The following CEP95 variants were observed in gnomAD, a reference collection of about 807,000 sequenced individuals.
CEP95 encodes the protein centrosomal protein 95.
In CEP95, 98 loss-of-function variants were observed where a neutral mutation model predicts 111.2. The ratio of observed to expected loss-of-function variants is 0.88; its 90% CI spans 0.75 to 1.04. CEP95 has a LOEUF of 1.04. CEP95 is among the 50% of genes least tolerant of loss of function. The pLI is 0.00. For synonymous variants in CEP95, 323 were observed against 327.1 expected (o/e 0.99, Z 0.14); for missense variants, 1,027 against 977.2 (o/e 1.05, Z -0.68).
chr17:64,508,300 C>T (rs1007360144), intron 1 of CEP95: 3 of 991,394 alleles, frequency 3.0e-6, no homozygotes, highest in Admixed American at 6.1e-5. Flanking sequence ...CCATGTAAGG[C>T]TTATATAAGT....
chr17:64,522,164 CTT>C (rs1967395074), intron 7 of CEP95, among the ~76,000 whole-genome samples: 1 of 152,068 alleles, frequency 6.6e-6, no homozygotes, highest in Non-Finnish European at 1.5e-5. Flanking sequence ...AAAAATCATT[CTT>C]GTTTCTTATT....
chr17:64,532,724 T>C (rs542040429), intron 14 of CEP95, 115 bp from the exon 15 acceptor site: 12 of 1,462,536 alleles, frequency 8.2e-6, no homozygotes, highest in Non-Finnish European at 1.1e-5. Flanking sequence ...ACATTTAGAA[T>C]TGTTCTTTTC....
At chr17:64,537,378 T>C in intron 19 of CEP95, 2 of 1,399,772 alleles carry the variant, frequency 1.4e-6, no homozygotes, top group Non-Finnish European at 9.3e-7. Context: ...AAATGTATTA[T>C]ACCTGTAAAG....
Position 64,510,233 on chromosome 17 carries a change from A to AT in CEP95, c.211dup (p.Ser71PhefsTer24). The stretch of plus-strand genomic sequence containing the variant: ...GCACACAATGTACAAGCAGTAATTG[A>AT]TTCACTGGCCTTGGACTACTTGCAG... On this transcript the variant is annotated frameshift_variant, in exon 3 of 20. Transcript: ENST00000556440. LOFTEE classifies it high-confidence loss of function. 6.2e-7 allele frequency: 1 copy of AT among 1,612,198 alleles called. No homozygotes were observed. The highest frequency in any genetic ancestry group is 8.5e-7 in the Non-Finnish European group (1 of 1,179,010).
intron 5 of CEP95, among the ~76,000 whole-genome samples, chr17:64,518,593 T>A (rs2144406004): frequency 6.6e-6 from 1 of 152,382 alleles, no homozygotes; most frequent in African/African-American, 2.4e-5. Context: ...ATGCTATGTC[T>A]TCATGGTTCG....
chr17:64,520,693 A>G (rs1967257509), intron 6 of CEP95: 1 of 152,208 alleles, frequency 6.6e-6, no homozygotes, highest in East Asian at 1.9e-4. Flanking sequence ...TTGGCCTCCC[A>G]AAGTACTGAG....
At chr17:64,513,581 G>A (rs1555675637) in intron 3 of CEP95, among the ~76,000 whole-genome samples, 2 of 152,178 alleles carry the variant, frequency 1.3e-5, no homozygotes, top group Non-Finnish European at 1.5e-5. Flanking sequence ...AGCTGGAGAC[G>A]CTGAAGATGG....
chr17:64,515,084 T>C (rs2039070095), intron 4 of CEP95, among the ~76,000 whole-genome samples: 1 of 152,208 alleles, frequency 6.6e-6, no homozygotes, highest in Admixed American at 6.5e-5. Flanking sequence ...CCTTTAATCA[T>C]TGTTACTAAA....
At chr17:64,520,617 G>C (rs1555677462) in intron 6 of CEP95, 2 of 152,174 alleles carry the variant, frequency 1.3e-5, no homozygotes, top group East Asian at 3.9e-4. Flanking sequence ...ATTTTTAGTA[G>C]AGATGGGGTT....
chr17:64,507,285 T>C, intron 1 of CEP95, 169 bp downstream of exon 1: 1 of 1,471,632 alleles, frequency 6.8e-7, no homozygotes, highest in Non-Finnish European at 9.0e-7. Context: ...TCACCACCTC[T>C]TCGCTTCGAG....
At chr17:64,532,555 G>A (rs782053164) in intron 14 of CEP95, 20 of 1,184,844 alleles carry the variant, frequency 1.7e-5, no homozygotes, top group South Asian at 5.3e-5. Flanking sequence ...TTGTTTTACC[G>A]TACGTAGAGA....
In CEP95 at chr17:64,527,891, T is replaced by TATAC. The variant is rs1555679494; in HGVS notation, c.1306+628_1306+629insTACA. Among the ~76,000 whole-genome samples, 645 of 141,498 alleles carry TATAC rather than the reference T, an allele frequency of 4.6e-3. 3 individuals are homozygous for TATAC. Among genetic ancestry groups the TATAC allele is most frequent in the East Asian group, 0.014 (66 of 4,746 alleles). 92.8% of individuals were successfully genotyped at this position (141,498 alleles called of 152,430 possible). ...GTGTGTATATATATATATATATATATACACACACACACACACGCGTGTAGC... is the reference window on the plus strand; with the variant it reads ...GTGTGTATATATATATATATATATATATACACACACACACACACACGCGTGTAGC... On this transcript the variant is annotated intron_variant, in intron 11 of 19. Transcript: ENST00000556440.
chr17:64,517,587 A>G (rs531678533), intron 5 of CEP95, among the ~76,000 whole-genome samples: 1 of 151,680 alleles, frequency 6.6e-6, no homozygotes, highest in Non-Finnish European at 1.5e-5. Context: ...TCTGACACTC[A>G]TGGTGGAGTA....
At chr17:64,529,523 A>C in intron 12 of CEP95, 96 bp downstream of exon 12, 4 of 1,235,012 alleles carry the variant, frequency 3.2e-6, no homozygotes, top group Non-Finnish European at 4.6e-6. Flanking sequence ...TTAGGCTTAA[A>C]ATACATTTAA....
At position 64,533,121 on chromosome 17, in the gene CEP95, A is replaced by C. The variant is rs781886614; in HGVS notation, c.1847A>C (p.Glu616Ala). Residue 616 changes from glutamate to alanine, a missense_variant, in exon 16 of 20, where the codon GAA becomes GCA. Physicochemically the swap from Glu to Ala is moderately radical, Grantham distance 107 (BLOSUM62 -1). Transcript: ENST00000556440. Reference sequence around the variant, plus strand: ...AACTTCATGTCCCCCTTCAAGATAGAAGAAGCCCTAAGAAGGCATGACCTC... The same window carrying C: ...AACTTCATGTCCCCCTTCAAGATAGCAGAAGCCCTAAGAAGGCATGACCTC... ...RSKKKLQDEI[E>A]EALRRHDLLT... The C allele has an allele frequency of 2.7e-5, 43 of 1,603,638 alleles. No homozygotes were observed. In the East Asian group the frequency reaches 9.6e-4, roughly 36 times the overall value.
intron 8 of CEP95, among the ~76,000 whole-genome samples, chr17:64,525,504 A>C (rs985032188): frequency 2.6e-5 from 4 of 152,134 alleles, no homozygotes; most frequent in African/African-American, 9.7e-5. Context: ...TAATCCCTGA[A>C]ATTTCATATT....
chr17:64,508,296 A>G lies in CEP95; in HGVS notation c.20-296A>G, dbSNP rs782094985. ...ATGTTTTAACTAAAAACACCCATGTAAGGCTTATATAAGTAACTTAAGATT... is the reference window on the plus strand; with the variant it reads ...ATGTTTTAACTAAAAACACCCATGTGAGGCTTATATAAGTAACTTAAGATT... On this transcript the variant is annotated intron_variant, in intron 1 of 19. Transcript: ENST00000556440. The G allele has an allele frequency of 2.8e-5, 28 of 990,384 alleles. No individual in the cohort carries two copies. The Admixed American group carries it at 3.7e-4, about 13-fold the overall frequency. The allele number at this position is 990,384 out of a possible 1,614,324, so 61.3% of individuals were successfully genotyped here. A position where few individuals can be genotyped will look rare whatever the true frequency, so the allele number is the denominator to read the frequency against.
chr17:64,527,630 G>C (rs1172315457), intron 11 of CEP95, among the ~76,000 whole-genome samples: 7 of 151,934 alleles, frequency 4.6e-5, no homozygotes, highest in Admixed American at 6.6e-5. Flanking sequence ...GTTTTATGTT[G>C]TTTAAAAATT....
intron 13 of CEP95, 132 bp from the exon 14 acceptor site, chr17:64,531,758 G>C: frequency 1.7e-6 from 1 of 578,504 alleles, no homozygotes; most frequent in Non-Finnish European, 2.8e-6. Context: ...AAGTAAGGTG[G>C]TTTGGCTTAC....
Sources: gnomAD v4.1 joint callset for allele counts (sites outside exome capture counted in the v4.1 genomes callset) on GRCh38, gnomAD v4.1.1 for gene constraint, MANE v1.5 for transcripts, NCBI Gene and HGNC (gene_info 2026-07-23, HGNC 2026-07-21) for gene names.